The following BRD4 variants were observed in gnomAD, a reference collection of about 807,000 sequenced individuals.
BRD4 encodes the protein bromodomain containing 4.
A neutral mutation model predicts 142.1 loss-of-function variants in BRD4; 16 were observed. The observed-to-expected ratio is 0.11, with a 90% confidence interval of 0.08 to 0.17. The LOEUF (loss-of-function observed/expected upper bound fraction) is 0.17, where lower values mean the gene tolerates loss of function less well. Among genes scored for constraint, BRD4 ranks in the 10% least tolerant of loss-of-function variants. The pLI, the probability that BRD4 is intolerant of heterozygous loss-of-function variation, is 1.00. For missense variants in BRD4, 1,424 were observed against 1,810.9 expected (o/e 0.79, Z 3.88); for synonymous variants, 833 against 707.5 (o/e 1.18, Z -2.82).
rs200038923 is a variant in BRD4 at position 15,273,102 on chromosome 19, T to C, written c.-3A>G. 10 of 1,579,290 alleles carry C rather than the reference T, an allele frequency of 6.3e-6. No homozygotes were observed. Among genetic ancestry groups the C allele is most frequent in the Non-Finnish European group, 8.6e-6 (10 of 1,160,772 alleles). On this transcript the variant is annotated 5_prime_UTR_variant, in exon 2 of 20. Coordinates refer to ENST00000679869, the MANE Select transcript of BRD4 (RefSeq NM_001379291.1). ...CCAGGGCCGCTCTCCGCAGACATGCTAGTGATCCCATCACATTCTTCACCA... is the reference window on the plus strand; with the variant it reads ...CCAGGGCCGCTCTCCGCAGACATGCCAGTGATCCCATCACATTCTTCACCA...
intron 1 of BRD4, among the ~76,000 whole-genome samples, chr19:15,291,559 A>G (rs532374056): frequency 6.6e-6 from 1 of 152,304 alleles, no homozygotes; most frequent in South Asian, 2.1e-4. Context: ...TTGCCTCCGT[A>G]TTATGCACTG....
rs2047404959 is a variant in BRD4 at position 15,256,054 on chromosome 19, G to A, written c.1751+10C>T. 2.5e-6 allele frequency: 4 copies of A among 1,610,160 alleles called. No homozygotes were observed. The highest frequency in any genetic ancestry group is 3.4e-6 in the Non-Finnish European group (4 of 1,179,584). ...GGTCCCCACCCAGGACAAATTCAGG[G>A]GACACAGACCTCACATTGCTGTTGC... On this transcript the variant is annotated intron_variant, in intron 9 of 19. Coordinates refer to ENST00000679869, the MANE Select transcript of BRD4 (RefSeq NM_001379291.1).
rs2047266578 is a variant in BRD4, at chr19:15,244,445, T to G, written c.2367A>C (p.Ala789=). 1.0e-5 allele frequency: 7 copies of G among 667,132 alleles called. No homozygotes were observed. Among genetic ancestry groups the G allele is most frequent in the Non-Finnish European group, 1.4e-5 (6 of 418,596 alleles). 41.3% of individuals were successfully genotyped at this position (667,132 alleles called of 1,614,324 possible). A position where few individuals can be genotyped will look rare whatever the true frequency, so the allele number is the denominator to read the frequency against. The change falls in exon 13 of 20, where the codon GCA becomes GCC. Residue 789 remains alanine, a synonymous_variant. Transcript: ENST00000679869. The part of the protein sequence containing the change: ...PPPPPSMPQQ[A]APAMKSSPPP... The stretch of plus-strand genomic sequence containing the variant: ...GGGGCGAGGACTTCATCGCCGGGGC[T>G]GCCTGCTGCGGCATGGAGGGTGGGG...
At chr19:15,317,878 C>T (rs764476581) in intron 1 of BRD4, among the ~76,000 whole-genome samples, 2 of 152,192 alleles carry the variant, frequency 1.3e-5, no homozygotes, top group African/African-American at 2.4e-5. Flanking sequence ...AAGATGAACA[C>T]GAAGGTGGTA....
intron 2 of BRD4, among the ~76,000 whole-genome samples, chr19:15,269,673 C>T (rs984184121): frequency 3.9e-5 from 6 of 152,164 alleles, no homozygotes; most frequent in African/African-American, 7.2e-5. Flanking sequence ...ACCAGGTTAA[C>T]TGCCAAATGA....
chr19:15,300,223 G>A (rs138903966), intron 1 of BRD4, among the ~76,000 whole-genome samples: 5 of 152,180 alleles, frequency 3.3e-5, no homozygotes, highest in African/African-American at 4.8e-5. Flanking sequence ...CTGCCTGGGC[G>A]ACAGAGCAAG....
intron 1 of BRD4, among the ~76,000 whole-genome samples, chr19:15,320,264 C>G (rs1014417740): frequency 1.3e-5 from 2 of 152,094 alleles, no homozygotes; most frequent in Non-Finnish European, 2.9e-5. Context: ...TACAGTAGAA[C>G]TTAACACTTG....
Position 15,239,360 on chromosome 19 carries a change from G to A in BRD4, c.3576+32C>T. On this transcript the variant is annotated intron_variant, in intron 17 of 19. Coordinates refer to ENST00000679869, the MANE Select transcript of BRD4 (RefSeq NM_001379291.1). This position sits in a 1 kb window ranked among gnomAD's most constrained non-coding sequence, Gnocchi z 7.4. ...AGCATGGCACCTTCCAGGGCCAAGG[G>A]GCAAGCGACACCCATGGACCTCCAT... The A allele has an allele frequency of 3.1e-6, 5 of 1,614,154 alleles. No homozygotes were observed. Among genetic ancestry groups the A allele is most frequent in the Non-Finnish European group, 4.2e-6 (5 of 1,180,034 alleles).
rs1469265740 is a variant in BRD4, at chr19:15,239,503, C to T, written c.3465G>A (p.Val1155=). 1.2e-5 allele frequency: 19 copies of T among 1,613,328 alleles called. No homozygotes were observed. In the African/African-American group the frequency reaches 2.4e-4, roughly 20 times the overall value. Residue 1155 remains valine, a synonymous_variant, in exon 17 of 20, where the codon GTG becomes GTA. Transcript: ENST00000679869. This position sits in a 1 kb window ranked among gnomAD's most constrained non-coding sequence, Gnocchi z 7.4. ...GCCGGATCACAGGCCTCCCGACATC[C>T]ACAGGCTTCATTTCCGGCCCTGGAA... The part of the protein sequence containing the change: ...HLPQRPEMKP[V]DVGRPVIRPP...
Position 15,237,015 on chromosome 19 carries a change from A to G in BRD4, c.*1362T>C, listed in dbSNP as rs2047196892. The G allele has an allele frequency of 5.0e-6, 1 of 198,352 alleles. No homozygotes were observed. The highest frequency in any genetic ancestry group is 2.4e-5 in the African/African-American group (1 of 42,010). 12.3% of individuals were successfully genotyped at this position (198,352 alleles called of 1,614,324 possible). A position where few individuals can be genotyped will look rare whatever the true frequency, so the allele number is the denominator to read the frequency against. ...CTCACCAGGGGCTCCAATTATAAAA[A>G]TTAAAAAAAAAAAAAAAAAAAAGCA... is the stretch of plus-strand genomic sequence containing the variant. On this transcript the variant is annotated 3_prime_UTR_variant, in exon 20 of 20. Transcript: ENST00000679869.
intron 4 of BRD4, among the ~76,000 whole-genome samples, chr19:15,266,938 G>T (rs937160622): frequency 1.3e-5 from 2 of 152,178 alleles, no homozygotes; most frequent in Admixed American, 6.5e-5. Flanking sequence ...AGATGGATGA[G>T]GAGGGCTTTC....
chr19:15,275,158 C>A (rs1025219867), intron 1 of BRD4, among the ~76,000 whole-genome samples: 1 of 152,308 alleles, frequency 6.6e-6, no homozygotes, highest in African/African-American at 2.4e-5. Context: ...CATGCCCGGA[C>A]AGAAGCTGAA....
intron 1 of BRD4, among the ~76,000 whole-genome samples, chr19:15,289,168 C>T (rs1272643459): frequency 6.6e-6 from 1 of 152,182 alleles, no homozygotes; most frequent in African/African-American, 2.4e-5. Context: ...GAGGCCAGGC[C>T]CTAAAGAGAC....
chr19:15,322,780 T>C (rs535990618), intron 1 of BRD4, among the ~76,000 whole-genome samples: 3 of 144,218 alleles, frequency 2.1e-5, no homozygotes, highest in South Asian at 2.2e-4. Context: ...AGCAGGAGAA[T>C]AGCGTGAACC....
rs558866750 is a variant in BRD4 at position 15,308,283 on chromosome 19, C to T, written c.-35+24007G>A. On this transcript the variant is annotated intron_variant, in intron 1 of 19. Coordinates refer to ENST00000679869, the MANE Select transcript of BRD4 (RefSeq NM_001379291.1). The stretch of plus-strand genomic sequence containing the variant: ...TCCAGCCTGGGCAACACAGTGGAGA[C>T]CTCGTCTCTTAAAACGGTAGGTTGG... Among the ~76,000 whole-genome samples, 8 of 147,422 alleles carry T rather than the reference C, an allele frequency of 5.4e-5. No individual in the cohort carries two copies. The South Asian group carries it at 1.7e-3, about 32-fold the overall frequency.
intron 1 of BRD4, among the ~76,000 whole-genome samples, chr19:15,297,117 T>TA (rs1177303834): frequency 2.4e-4 from 37 of 152,290 alleles, no homozygotes; most frequent in African/African-American, 8.9e-4. Flanking sequence ...TTCTAACAGA[T>TA]AGACGTTTAA....
At chr19:15,268,787 C>T in intron 3 of BRD4, 118 bp downstream of exon 3, 2 of 1,180,000 alleles carry the variant, frequency 1.7e-6, no homozygotes, top group Admixed American at 2.3e-5. Context: ...TCTCCTCTTG[C>T]CAGACTCCAA....
intron 1 of BRD4, among the ~76,000 whole-genome samples, chr19:15,324,715 T>C (rs934359919): frequency 1.3e-5 from 2 of 152,112 alleles, no homozygotes; most frequent in Admixed American, 6.6e-5. Flanking sequence ...GATAACCAGG[T>C]TTTCATAAGA....
rs1232529296 is a variant in BRD4 at position 15,239,744 on chromosome 19, G to A, written c.3360C>T (p.Ile1120=). The change falls in exon 16 of 20, where the codon ATC becomes ATT. Residue 1120 remains isoleucine, a synonymous_variant. Coordinates refer to ENST00000679869, the MANE Select transcript of BRD4 (RefSeq NM_001379291.1). The surrounding 1 kb of genome is among the most constrained non-coding windows in gnomAD (Gnocchi z 7.4). ...VKEEKIHSPI[I]RSEPFSPSLR... is the part of the protein sequence containing the mutation. ...GCGAGGGGCTGAAGGGCTCGCTGCG[G>A]ATGATGGGTGAGTGGATCTTCTCCT... The A allele has an allele frequency of 3.1e-6, 5 of 1,608,256 alleles. No individual in the cohort carries two copies. Among genetic ancestry groups the A allele is most frequent in the East Asian group, 2.2e-5 (1 of 44,848 alleles).
Sources: gnomAD v4.1 joint callset for allele counts (sites outside exome capture counted in the v4.1 genomes callset) on GRCh38, gnomAD v4.1.1 for gene constraint, Gnocchi (gnomAD v3.1) non-coding constraint, MANE v1.5 for transcripts, NCBI Gene and HGNC (gene_info 2026-07-23, HGNC 2026-07-21) for gene names.